GABBR2: variants seen among roughly 807,000 people sequenced by gnomAD.
GABBR2 encodes the protein G-protein coupled receptor 51.
In GABBR2, 23 loss-of-function variants were observed where a neutral mutation model predicts 105.6. The observed-to-expected ratio is 0.22, with a 90% CI of 0.16 to 0.31. The LOEUF is 0.31. GABBR2 is among the 10% of genes least tolerant of loss of function. The probability of loss-of-function intolerance (pLI) is 1.00; values close to 1 mark genes in which losing one functional copy is unlikely to be tolerated. For synonymous variants in GABBR2, 478 were observed against 499.7 expected (o/e 0.96, Z 0.58); for missense variants, 734 against 1,245.5 (o/e 0.59, Z 6.18).
At chr9:98,430,972 G>C (rs1564066051) in intron 7 of GABBR2, among the ~76,000 whole-genome samples, 1 of 151,690 alleles carries the variant, frequency 6.6e-6, no homozygotes, top group Non-Finnish European at 1.5e-5. Context: ...ACAGCAGGAG[G>C]GTAAATCTGG....
chr9:98,292,943 C>T (rs1316761433), intron 18 of GABBR2, among the ~76,000 whole-genome samples: 1 of 152,218 alleles, frequency 6.6e-6, no homozygotes, highest in Non-Finnish European at 1.5e-5. Flanking sequence ...CTGACAAATT[C>T]CATGTAACTC....
rs547766800 is a variant in GABBR2 at position 98,453,971 on chromosome 9, T to C, written c.1236+10A>G. ...CACTAAGGAAAACAGCCCAGAGGCA[T>C]GGGACTGACCGTGACCCCGAAGAAG... On this transcript the variant is annotated intron_variant, in intron 7 of 18. Transcript: ENST00000259455. 10 of 1,585,744 alleles carry C rather than the reference T, an allele frequency of 6.3e-6. No individual in the cohort carries two copies. The South Asian group carries it at 8.8e-5, about 14-fold the overall frequency.
At chr9:98,423,574 T>C (rs1440529518) in intron 7 of GABBR2, among the ~76,000 whole-genome samples, 1 of 152,228 alleles carries the variant, frequency 6.6e-6, no homozygotes, top group Non-Finnish European at 1.5e-5. Context: ...ACTCTGATGG[T>C]AGTTTCTTTT....
chr9:98,392,668 G>A (rs1182597412), intron 9 of GABBR2, among the ~76,000 whole-genome samples: 1 of 152,138 alleles, frequency 6.6e-6, no homozygotes, highest in Non-Finnish European at 1.5e-5. Context: ...TTTAAAGAAG[G>A]AACTTAAAAG....
chr9:98,419,272 T>C (rs147340574), intron 7 of GABBR2, among the ~76,000 whole-genome samples: 2 of 152,302 alleles, frequency 1.3e-5, no homozygotes, highest in East Asian at 3.9e-4. Context: ...GTGGGGCTCC[T>C]GGGTTCTACT....
At chr9:98,630,497 A>G (rs1055345729) in intron 1 of GABBR2, among the ~76,000 whole-genome samples, 1 of 152,216 alleles carries the variant, frequency 6.6e-6, no homozygotes, top group Non-Finnish European at 1.5e-5. Flanking sequence ...CAGGAGCTTG[A>G]GCAGTGGCCC....
chr9:98,362,911 C>A, intron 12 of GABBR2, 74 bp from the exon 13 acceptor site: 1 of 1,335,594 alleles, frequency 7.5e-7, no homozygotes, highest in South Asian at 1.8e-5. Context: ...GGGCCCAGGT[C>A]ATAGGGGGAA....
chr9:98,589,504 T>C (rs1829118652), intron 1 of GABBR2, among the ~76,000 whole-genome samples: 1 of 152,132 alleles, frequency 6.6e-6, no homozygotes, highest in South Asian at 2.1e-4. Flanking sequence ...TGTAAGCATT[T>C]TGAAACATAA....
At chr9:98,387,362 A>C (rs570954682) in intron 10 of GABBR2, among the ~76,000 whole-genome samples, 1 of 152,270 alleles carries the variant, frequency 6.6e-6, no homozygotes, top group Admixed American at 6.5e-5. Context: ...TGATGGGGCA[A>C]CTTGCTGTCC....
In GABBR2 at chr9:98,675,613, A is replaced by C. The variant is rs1830467275; in HGVS notation, c.321+32804T>G. Among the ~76,000 whole-genome samples the C allele has an allele frequency of 3.3e-5, 5 of 152,268 alleles. No homozygotes were observed. The South Asian group carries it at 1.0e-3, about 32-fold the overall frequency. On this transcript the variant is annotated intron_variant, in intron 1 of 18. Coordinates refer to ENST00000259455, the MANE Select transcript of GABBR2 (RefSeq NM_005458.8). Reference sequence around the variant, plus strand: ...TGTGTAGGGCTATGTGTCTATTCTGAAGGTGGGAGTGGGTGAGTGGAATCC... The same window carrying C: ...TGTGTAGGGCTATGTGTCTATTCTGCAGGTGGGAGTGGGTGAGTGGAATCC...
chr9:98,647,357 C>A (rs1229319339), intron 1 of GABBR2, among the ~76,000 whole-genome samples: 1 of 152,246 alleles, frequency 6.6e-6, no homozygotes, highest in African/African-American at 2.4e-5. Context: ...TCCGACACTT[C>A]CTCTGCTCCA....
chr9:98,429,637 C>T (rs1443969698), intron 7 of GABBR2, among the ~76,000 whole-genome samples: 1 of 152,162 alleles, frequency 6.6e-6, no homozygotes, highest in South Asian at 2.1e-4. Context: ...CAAGGTCACA[C>T]ATCTTGCAGG....
intron 3 of GABBR2, among the ~76,000 whole-genome samples, chr9:98,503,570 T>C (rs1447888352): frequency 6.6e-6 from 1 of 152,054 alleles, no homozygotes; most frequent in Non-Finnish European, 1.5e-5. Flanking sequence ...TGATATGATA[T>C]GGGAGGTGGC....
chr9:98,512,134 T>A (rs1312989881), intron 3 of GABBR2, among the ~76,000 whole-genome samples: 4 of 150,302 alleles, frequency 2.7e-5, no homozygotes, highest in Non-Finnish European at 5.9e-5. Flanking sequence ...ATCCAGCATA[T>A]AAACAGAACC....
chr9:98,399,771 A>G (rs1300984559), intron 8 of GABBR2, among the ~76,000 whole-genome samples: 1 of 152,272 alleles, frequency 6.6e-6, no homozygotes, highest in Non-Finnish European at 1.5e-5. Flanking sequence ...GACAAGTGAC[A>G]GAATGGGAGA....
chr9:98,439,946 C>T (rs1463111915), intron 7 of GABBR2, among the ~76,000 whole-genome samples: 1 of 152,228 alleles, frequency 6.6e-6, no homozygotes, highest in Non-Finnish European at 1.5e-5. Flanking sequence ...GGGGGCTTGC[C>T]CAGTATTTTG....
intron 7 of GABBR2, among the ~76,000 whole-genome samples, chr9:98,444,872 C>CGT (rs1826096289): frequency 1.0e-5 from 1 of 100,026 alleles, no homozygotes; most frequent in Non-Finnish European, 2.2e-5. Flanking sequence ...TGCACATGCG[C>CGT]GCGCGCGCAC....
Position 98,290,466 on chromosome 9 carries a change from G to A in GABBR2, c.*118C>T. On this transcript the variant is annotated 3_prime_UTR_variant, in exon 19 of 19. Coordinates refer to ENST00000259455, the MANE Select transcript of GABBR2 (RefSeq NM_005458.8). ...CTGAGTGCCATCCGAGTGGTCCTGA[G>A]AGGCCAGCCATGGTGCCCAGCTTCT... 1.5e-6 allele frequency: 1 copy of A among 672,514 alleles called. No individual in the cohort carries two copies. The allele number at this position is 672,514 out of a possible 1,614,324, so 41.7% of individuals were successfully genotyped here.
chr9:98,299,332 C>T lies in GABBR2; in HGVS notation c.2434G>A (p.Val812Ile). ...GGTGTGTCCTGCAGCTGCATGGTGACCTCTTCCAAGTCTTTATCCAGCTAC... is the reference window on the plus strand; with the variant it reads ...GGTGTGTCCTGCAGCTGCATGGTGATCTCTTCCAAGTCTTTATCCAGCTAC... ...ITELDKDLEE[V>I]TMQLQDTPEK... The change falls in exon 17 of 19, where the codon GTC becomes ATC. Residue 812 changes from valine (V) to isoleucine (I), a missense_variant. Transcript: ENST00000259455. The T allele has an allele frequency of 6.2e-7, 1 of 1,613,950 alleles. No homozygotes were observed. The highest frequency in any genetic ancestry group is 1.1e-5 in the South Asian group (1 of 91,062).
Sources: gnomAD v4.1 joint callset for allele counts (sites outside exome capture counted in the v4.1 genomes callset) on GRCh38, gnomAD v4.1.1 for gene constraint, MANE v1.5 for transcripts, NCBI Gene and HGNC (gene_info 2026-07-23, HGNC 2026-07-21) for gene names.